Variants in EML5 observed in about 807,000 individuals in gnomAD.
EML5 encodes echinoderm microtubule-associated protein-like 5.
Under a neutral mutation model 250.0 loss-of-function variants are expected in EML5, and 120 were observed. That is an observed-to-expected ratio of 0.48 (90% CI 0.41 to 0.56). The LOEUF (loss-of-function observed/expected upper bound fraction) is 0.56, where lower values mean the gene tolerates loss of function less well. Among genes scored for constraint, EML5 ranks in the 20% least tolerant of loss-of-function variants. The pLI, the probability that EML5 is intolerant of heterozygous loss-of-function variation, is 0.00. For synonymous variants in EML5, 771 were observed against 806.5 expected, an observed-to-expected ratio of 0.96 and a Z score of 0.75; for missense variants, 2,006 against 2,437.6, an observed-to-expected ratio of 0.82 and a Z score of 3.73.
intron 10 of EML5, among the ~76,000 whole-genome samples, chr14:88,708,004 T>C (rs2093346393): frequency 6.6e-6 from 1 of 152,166 alleles, no homozygotes; most frequent in Non-Finnish European, 1.5e-5. Context: ...TAAAGAGTTA[T>C]CTCAGCATCT....
At chr14:88,664,676 T>A in intron 22 of EML5, 52 bp from the exon 23 acceptor site, 2 of 1,565,704 alleles carry the variant, frequency 1.3e-6, no homozygotes, top group Non-Finnish European at 8.6e-7. Context: ...AAATACTTTT[T>A]TACACTCTGC....
rs1468464125 is a variant in EML5 at position 88,613,244 on chromosome 14, G to C, written c.*2574C>G. The C allele has an allele frequency of 6.6e-6, 1 of 152,068 alleles. No individual in the cohort carries two copies. The highest frequency in any genetic ancestry group is 2.4e-5 in the African/African-American group (1 of 41,406). 9.4% of individuals were successfully genotyped at this position (152,068 alleles called of 1,614,324 possible). A position where few individuals can be genotyped will look rare whatever the true frequency, so the allele number is the denominator to read the frequency against. On this transcript the variant is annotated 3_prime_UTR_variant, in exon 44 of 44. Coordinates refer to ENST00000554922, the MANE Select transcript of EML5 (RefSeq NM_183387.3). ...ACAAGTGCATAAGGCTGTTGTCTTCGGCTTGGGTGAAATGACAGTTCCTCT... is the reference window on the plus strand; with the variant it reads ...ACAAGTGCATAAGGCTGTTGTCTTCCGCTTGGGTGAAATGACAGTTCCTCT...
At chr14:88,725,741 A>G (rs1181630355) in intron 8 of EML5, among the ~76,000 whole-genome samples, 1 of 152,222 alleles carries the variant, frequency 6.6e-6, no homozygotes, top group African/African-American at 2.4e-5. Context: ...TAAGAAGATC[A>G]GCTAAGAGGC....
chr14:88,624,012 G>A (rs1193120030), intron 36 of EML5: 1 of 152,164 alleles, frequency 6.6e-6, no homozygotes, highest in Non-Finnish European at 1.5e-5. Context: ...ATTAACATAT[G>A]TGGGTTCTTT....
chr14:88,685,107 T>C lies in EML5; in HGVS notation c.2890A>G (p.Ile964Val), dbSNP rs780053533. The C allele has an allele frequency of 1.4e-5, 23 of 1,608,292 alleles. No homozygotes were observed. In the Middle Eastern group the frequency reaches 1.7e-3, roughly 116 times the overall value. The change falls in exon 20 of 44, where the codon ATA (isoleucine) becomes GTA (valine). Residue 964 changes from isoleucine to valine, a missense_variant. Ile to Val is a conservative substitution (Grantham distance 29). Around this residue, in one of 7 missense-constraint regions of EML5, gnomAD observed 1,375 missense variants for 1,590.3 expected, o/e 0.86. Transcript: ENST00000554922. The part of the protein sequence containing the change: ...LLEDNPSIRA[I>V]SLGHGHILVG... ...AAAATATGACCATGTCCTAATGATA[T>C]GGCACGTATAGATGGATTATCTTCC... is the stretch of plus-strand genomic sequence containing the variant.
At chr14:88,779,458 TGG>T (rs2094476141) in intron 1 of EML5, among the ~76,000 whole-genome samples, 1 of 152,208 alleles carries the variant, frequency 6.6e-6, no homozygotes, top group Non-Finnish European at 1.5e-5. Context: ...CAAGGGATAA[TGG>T]CACGTCTTTC....
chr14:88,781,496 A>C (rs1376513264), intron 1 of EML5, among the ~76,000 whole-genome samples: 2 of 152,208 alleles, frequency 1.3e-5, no homozygotes, highest in Non-Finnish European at 2.9e-5. Flanking sequence ...ATTACTAAAA[A>C]TAGTCACTTC....
chr14:88,630,023 ATTTTTTTTTTTTTT>A (rs58382081), intron 33 of EML5, among the ~76,000 whole-genome samples: 1 of 84,246 alleles, frequency 1.2e-5, no homozygotes, highest in Non-Finnish European at 2.2e-5. Flanking sequence ...TAAAAACTGT[ATTTTTTTTTTTTTT>A]TTTTTTTTTT....
At chr14:88,632,170 T>C (rs1048301236) in intron 33 of EML5, among the ~76,000 whole-genome samples, 3 of 152,196 alleles carry the variant, frequency 2.0e-5, no homozygotes, top group Non-Finnish European at 4.4e-5. Context: ...GATTCCTCAC[T>C]ATGTCATACG....
intron 1 of EML5, among the ~76,000 whole-genome samples, chr14:88,764,621 T>C (rs1447152062): frequency 1.3e-5 from 2 of 152,206 alleles, no homozygotes; most frequent in Non-Finnish European, 2.9e-5. Flanking sequence ...TTTGTTTTTG[T>C]GTTTGCTCTT....
At chr14:88,672,663 A>G (rs2092496145) in intron 21 of EML5, among the ~76,000 whole-genome samples, 1 of 152,164 alleles carries the variant, frequency 6.6e-6, no homozygotes, top group Non-Finnish European at 1.5e-5. Context: ...ACAAGAAAAG[A>G]GAGAAGAATC....
intron 2 of EML5, among the ~76,000 whole-genome samples, chr14:88,751,957 C>A (rs545486586): frequency 6.6e-6 from 1 of 152,206 alleles, no homozygotes; most frequent in African/African-American, 2.4e-5. Flanking sequence ...GCATCTATTC[C>A]AAAGGGTTGT....
intron 29 of EML5, among the ~76,000 whole-genome samples, chr14:88,646,077 A>G (rs2091333812): frequency 6.6e-6 from 1 of 152,186 alleles, no homozygotes; most frequent in South Asian, 2.1e-4. Context: ...CCAAATTTTA[A>G]GTTAATATTC....
chr14:88,641,300 A>G (rs1037326778), intron 31 of EML5, among the ~76,000 whole-genome samples: 4 of 152,090 alleles, frequency 2.6e-5, no homozygotes, highest in African/African-American at 7.2e-5. Flanking sequence ...TGCCAAAGAC[A>G]TTTGAAAAAA....
chr14:88,628,967 T>G (rs937604638), intron 33 of EML5, among the ~76,000 whole-genome samples: 5 of 152,164 alleles, frequency 3.3e-5, no homozygotes, highest in Admixed American at 6.6e-5. Flanking sequence ...TTGTAAAATT[T>G]ATGACAATAA....
chr14:88,761,615 G>A (rs1265558207), intron 1 of EML5, among the ~76,000 whole-genome samples: 1 of 152,148 alleles, frequency 6.6e-6, no homozygotes, highest in East Asian at 1.9e-4. Context: ...ATTTGGGTTG[G>A]TTCCAAGTCT....
intron 8 of EML5, among the ~76,000 whole-genome samples, chr14:88,723,703 C>T (rs1024101667): frequency 9.2e-5 from 14 of 152,158 alleles, no homozygotes; most frequent in Admixed American, 7.9e-4. Flanking sequence ...TCATGTTGTA[C>T]GTCGTAAATA....
intron 13 of EML5, 66 bp from the exon 14 acceptor site, chr14:88,702,698 AG>A: frequency 8.7e-7 from 1 of 1,143,208 alleles, no homozygotes; most frequent in Non-Finnish European, 1.2e-6. Flanking sequence ...CAGAATATAC[AG>A]GGGAGAAGTA....
chr14:88,736,677 A>G (rs1249201069), intron 6 of EML5, 112 bp from the exon 7 acceptor site: 1 of 988,370 alleles, frequency 1.0e-6, no homozygotes, highest in South Asian at 1.6e-5. Context: ...CCAACCTTCA[A>G]ACCTAAGACA....
Sources: gnomAD v4.1 joint callset for allele counts (sites outside exome capture counted in the v4.1 genomes callset) on GRCh38, gnomAD v4.1.1 for gene constraint, gnomAD v4.1.1 regional missense constraint, MANE v1.5 for transcripts, NCBI Gene and HGNC (gene_info 2026-07-23, HGNC 2026-07-21) for gene names.